The following ABHD14A variants were observed in gnomAD, a reference collection of about 807,000 sequenced individuals.
ABHD14A encodes abhydrolase domain containing 14A, also known as protein ABHD14A.
In ABHD14A, 19 loss-of-function variants were observed where a neutral mutation model predicts 27.0. The ratio of observed to expected loss-of-function variants is 0.70; its 90% CI spans 0.49 to 1.03. The LOEUF (loss-of-function observed/expected upper bound fraction) is 1.03, where lower values mean the gene tolerates loss of function less well. ABHD14A is among the 50% of genes least tolerant of loss of function. ABHD14A has a pLI of 0.00. For synonymous variants in ABHD14A, 148 were observed against 158.8 expected (o/e 0.93, Z 0.51); for missense variants, 311 against 344.6 (o/e 0.90, Z 0.77).
chr3:51,978,334 G>C lies in ABHD14A; in HGVS notation c.357G>C (p.Leu119=). The C allele has an allele frequency of 1.4e-5, 21 of 1,551,778 alleles. No homozygotes were observed. The highest frequency in any genetic ancestry group is 1.7e-5 in the Non-Finnish European group (20 of 1,147,000). The change falls in exon 3 of 5, where the codon CTG becomes CTC. Residue 119 remains leucine, a synonymous_variant. Coordinates refer to ENST00000273596, the MANE Select transcript of ABHD14A (RefSeq NM_015407.5). ...AGCAGCTGGGCACACTGCAGCTACTGTCACAGAGGGGCTACCGGGCCGTGG... is the reference window on the plus strand; with the variant it reads ...AGCAGCTGGGCACACTGCAGCTACTCTCACAGAGGGGCTACCGGGCCGTGG... The part of the protein sequence containing the change: ...TWEQLGTLQL[L]SQRGYRAVAL...
chr3:51,976,270 G>T (rs982626699), intron 1 of ABHD14A, among the ~76,000 whole-genome samples: 1 of 152,242 alleles, frequency 6.6e-6, no homozygotes, highest in African/African-American at 2.4e-5. Context: ...CCCCGACCCC[G>T]AAGCCTGGGG....
chr3:51,978,023 C>A lies in ABHD14A; in HGVS notation c.222C>A (p.Leu74=), dbSNP rs1700824017. Reference sequence around the variant, plus strand: ...CCAATGTCACAGTCCTGGCTGGTCTCACCCCTGGCAACTCGCCCATCTTTT... The same window carrying A: ...CCAATGTCACAGTCCTGGCTGGTCTAACCCCTGGCAACTCGCCCATCTTTT... ...GDPNVTVLAG[L]TPGNSPIFYR... Residue 74 remains leucine, a synonymous_variant, in exon 2 of 5, where the codon CTC becomes CTA. Transcript: ENST00000273596. 6.2e-7 allele frequency: 1 copy of A among 1,613,962 alleles called. No homozygotes were observed. Among genetic ancestry groups the A allele is most frequent in the Admixed American group, 1.7e-5 (1 of 60,008 alleles).
rs202220510 is a variant in ABHD14A at position 51,978,404 on chromosome 3, A to G, written c.397+30A>G. ...GCACCCCCACCCCTTTGTCTAGGGA[A>G]GCCTTAAGTGTGGCTGGGAGGCAAC... On this transcript the variant is annotated intron_variant, in intron 3 of 4. Transcript: ENST00000273596. The G allele has an allele frequency of 2.9e-4, 451 of 1,532,908 alleles. 5 individuals carry two copies. The East Asian group carries it at 5.5e-3, about 19-fold the overall frequency. 95.0% of individuals were successfully genotyped at this position (1,532,908 alleles called of 1,614,324 possible).
chr3:51,975,380 TG>T lies in ABHD14A; in HGVS notation c.69+181del, dbSNP rs548360626. Among the ~76,000 whole-genome samples the T allele has an allele frequency of 7.8e-5, 11 of 140,768 alleles. No individual in the cohort carries two copies. In the South Asian group the frequency reaches 1.9e-3, roughly 24 times the overall value. The allele number at this position is 140,768 out of a possible 152,430, so 92.3% of individuals were successfully genotyped here. A position where few individuals can be genotyped will look rare whatever the true frequency, so the allele number is the denominator to read the frequency against. On this transcript the variant is annotated intron_variant, in intron 1 of 4. Coordinates refer to ENST00000273596, the MANE Select transcript of ABHD14A (RefSeq NM_015407.5). ...CGCGCGCAGGGTCTGCATATGTTCT[TG>T]GGGGTCTGGGTGTATGTGTACGCTT...
chr3:51,980,314 T>G (rs766433791), intron 3 of ABHD14A, 79 bp from the exon 4 acceptor site: 22 of 1,387,118 alleles, frequency 1.6e-5, no homozygotes, highest in Non-Finnish European at 2.1e-5. Flanking sequence ...GGTCCCCAAC[T>G]TTTTCCCCCA....
intron 3 of ABHD14A, chr3:51,979,049 C>T (rs894414065): frequency 2.5e-5 from 5 of 198,086 alleles, no homozygotes; most frequent in Non-Finnish European, 4.4e-5. Flanking sequence ...AGACTGGTGC[C>T]GCATTTCTCT....
At chr3:51,979,516 G>A (rs1414707361) in intron 3 of ABHD14A, among the ~76,000 whole-genome samples, 6 of 140,392 alleles carry the variant, frequency 4.3e-5, no homozygotes, top group South Asian at 2.2e-4. Flanking sequence ...ACAGAGCCTC[G>A]CTCTGTCACC....
Position 51,981,107 on chromosome 3 carries a change from T to C in ABHD14A, c.*89T>C. Reference sequence around the variant, plus strand: ...GAACCAGGGAGACAGCCTCTGGGATTGGAGGCCAGAGGCCAGGGTCAGACC... The same window carrying C: ...GAACCAGGGAGACAGCCTCTGGGATCGGAGGCCAGAGGCCAGGGTCAGACC... On this transcript the variant is annotated 3_prime_UTR_variant, in exon 5 of 5. Coordinates refer to ENST00000273596, the MANE Select transcript of ABHD14A (RefSeq NM_015407.5). 2 of 1,463,706 alleles carry C rather than the reference T, an allele frequency of 1.4e-6. No individual in the cohort carries two copies. Among genetic ancestry groups the C allele is most frequent in the Non-Finnish European group, 1.9e-6 (2 of 1,069,176 alleles). The allele number at this position is 1,463,706 out of a possible 1,614,324, so 90.7% of individuals were successfully genotyped here. A position where few individuals can be genotyped will look rare whatever the true frequency, so the allele number is the denominator to read the frequency against.
At chr3:51,979,726 G>A (rs1378088670) in intron 3 of ABHD14A, among the ~76,000 whole-genome samples, 3 of 151,490 alleles carry the variant, frequency 2.0e-5, no homozygotes, top group Non-Finnish European at 4.4e-5. Context: ...CTCATGATCC[G>A]CCACCTCGGC....
chr3:51,977,992 G>GA lies in ABHD14A; in HGVS notation c.192dup (p.Asp65ArgfsTer42), dbSNP rs761755167. ...CCTGAGCAGACTTCCTGCCTCTGGGGAGACCCCAATGTCACAGTCCTGGCT... is the reference window on the plus strand; with the variant it reads ...CCTGAGCAGACTTCCTGCCTCTGGGGAAGACCCCAATGTCACAGTCCTGGCT... On this transcript the variant is annotated frameshift_variant, in exon 2 of 5. Coordinates refer to ENST00000273596, the MANE Select transcript of ABHD14A (RefSeq NM_015407.5). LOFTEE classifies it high-confidence loss of function. 1 of 1,614,104 alleles carries GA rather than the reference G, an allele frequency of 6.2e-7. No homozygotes were observed. The highest frequency in any genetic ancestry group is 1.3e-5 in the African/African-American group (1 of 75,064).
chr3:51,975,329 G>A (rs1370511585), intron 1 of ABHD14A, 125 bp downstream of exon 1: 8 of 920,316 alleles, frequency 8.7e-6, no homozygotes, highest in Non-Finnish European at 1.1e-5. Context: ...CCGCGAATGT[G>A]CATGTGCGCG....
rs1475776349 is a variant in ABHD14A at position 51,975,148 on chromosome 3, C to CTGTGCGGCTGCTGG, written c.15_28dup (p.Phe10CysfsTer26). The CTGTGCGGCTGCTGG allele has an allele frequency of 7.7e-7, 1 of 1,290,604 alleles. No homozygotes were observed. Among genetic ancestry groups the CTGTGCGGCTGCTGG allele is most frequent in the Non-Finnish European group, 9.8e-7 (1 of 1,018,972 alleles). The allele number at this position is 1,290,604 out of a possible 1,614,324, so 79.9% of individuals were successfully genotyped here. On this transcript the variant is annotated frameshift_variant, in exon 1 of 5. Transcript: ENST00000273596. LOFTEE classifies it high-confidence loss of function. ...TGCGGAGGCAGCCATGGTCGGGGCG[C>CTGTGCGGCTGCTGG]TGTGCGGCTGCTGGTTCCGCCTGGG...
chr3:51,975,170 TGGGCGGGGCCCGCCC>T lies in ABHD14A; in HGVS notation c.37_51del (p.Gly13_Pro17del). ...GCGCTGTGCGGCTGCTGGTTCCGCC[TGGGCGGGGCCCGCCC>T]GCTCATCCCGTTGGGCCCGGTGAGT... is the stretch of plus-strand genomic sequence containing the variant. On this transcript the variant is annotated inframe_deletion, in exon 1 of 5. Coordinates refer to ENST00000273596, the MANE Select transcript of ABHD14A (RefSeq NM_015407.5). 1.5e-5 allele frequency: 19 copies of T among 1,282,634 alleles called. No homozygotes were observed. The highest frequency in any genetic ancestry group is 1.9e-5 in the Non-Finnish European group (19 of 1,014,466). 79.5% of individuals were successfully genotyped at this position (1,282,634 alleles called of 1,614,324 possible).
chr3:51,980,274 C>A (rs1351139280), intron 3 of ABHD14A, 119 bp from the exon 4 acceptor site: 1 of 847,602 alleles, frequency 1.2e-6, no homozygotes, highest in Non-Finnish European at 2.0e-6. Context: ...AGCTTCTGGG[C>A]AGTTTTAGGT....
chr3:51,978,267 T>C lies in ABHD14A; in HGVS notation c.290T>C (p.Val97Ala), dbSNP rs565398084. 74 of 1,550,578 alleles carry C rather than the reference T, an allele frequency of 4.8e-5. No homozygotes were observed. Among genetic ancestry groups the C allele is most frequent in the Admixed American group, 3.3e-4 (17 of 50,946 alleles). Residue 97 changes from valine to alanine, a missense_variant, in exon 3 of 5, where the codon GTG becomes GCG. Transcript: ENST00000273596. ...CCCCTGTGTGCCTGCAGGGTGGAGG[T>C]GGTGCTGCTTCATGGAAAGGCCTTT... ...LPLNQAHRVE[V>A]VLLHGKAFNS...
Position 51,977,371 on chromosome 3 carries a change from T to A in ABHD14A, c.70-500T>A, listed in dbSNP as rs529715649. ...ACGGGTTCCTCCTTGGCAAACCGAG[T>A]GTGGCCTGGTAGTTAGAAGCCCATT... On this transcript the variant is annotated intron_variant, in intron 1 of 4. Transcript: ENST00000273596. 1.1e-4 allele frequency among the ~76,000 whole-genome samples: 16 copies of A among 152,258 alleles called. No homozygotes were observed. The South Asian group carries it at 1.7e-3, about 16-fold the overall frequency.
intron 1 of ABHD14A, among the ~76,000 whole-genome samples, chr3:51,977,209 T>C (rs1011529220): frequency 6.6e-6 from 1 of 152,234 alleles, no homozygotes. Flanking sequence ...CAGTATTAAA[T>C]GCAGTGAGAT....
chr3:51,980,919 C>T lies in ABHD14A; in HGVS notation c.717C>T (p.His239=). Reference sequence around the variant, plus strand: ...GGCAGCTCCGCCACCTGCCCAACCACTCTGTGGTGAAGCTACGCAATGCAG... The same window carrying T: ...GGCAGCTCCGCCACCTGCCCAACCATTCTGTGGTGAAGCTACGCAATGCAG... ...SLRQLRHLPN[H]SVVKLRNAGH... is the part of the protein sequence containing the mutation. Residue 239 remains histidine (H), a synonymous_variant, in exon 5 of 5, where the codon CAC becomes CAT. Transcript: ENST00000273596. The T allele has an allele frequency of 1.2e-6, 2 of 1,614,196 alleles. No individual in the cohort carries two copies. Among genetic ancestry groups the T allele is most frequent in the Non-Finnish European group, 1.7e-6 (2 of 1,180,018 alleles).
chr3:51,981,166 A>G lies in ABHD14A; in HGVS notation c.*148A>G. On this transcript the variant is annotated 3_prime_UTR_variant, in exon 5 of 5. Transcript: ENST00000273596. ...ACTCCTCATTTCATCTCACAGACAC[A>G]ATAAAAAAGCATATTTGTCCTGCCT... is the stretch of plus-strand genomic sequence containing the variant. The G allele has an allele frequency of 1.2e-6, 1 of 819,454 alleles. No homozygotes were observed. Among genetic ancestry groups the G allele is most frequent in the Non-Finnish European group, 1.9e-6 (1 of 533,736 alleles). 50.8% of individuals were successfully genotyped at this position (819,454 alleles called of 1,614,324 possible).
Sources: gnomAD v4.1 joint callset for allele counts (sites outside exome capture counted in the v4.1 genomes callset) on GRCh38, gnomAD v4.1.1 for gene constraint, MANE v1.5 for transcripts, NCBI Gene and HGNC (gene_info 2026-07-23, HGNC 2026-07-21) for gene names.